The following MCIDAS variants were observed in gnomAD, a reference collection of about 807,000 sequenced individuals.
MCIDAS encodes the protein multiciliate differentiation and DNA synthesis associated cell cycle protein, also known as multicilin.
MCIDAS carries 23 observed loss-of-function variants against 35.4 expected under a neutral mutation model. The ratio of observed to expected loss-of-function variants is 0.65; its 90% CI spans 0.47 to 0.92. The LOEUF is 0.92. Ranked by LOEUF, MCIDAS falls within the 40% of genes least tolerant of loss-of-function variation. The pLI is 0.00. For synonymous variants in MCIDAS, 228 were observed against 235.2 expected, an observed-to-expected ratio of 0.97 and a Z score of 0.28; for missense variants, 480 against 531.8, an observed-to-expected ratio of 0.90 and a Z score of 0.96.
chr5:55,220,692 C>T lies in MCIDAS; in HGVS notation c.832G>A (p.Ala278Thr). 1 of 1,536,032 alleles carries T rather than the reference C, an allele frequency of 6.5e-7. No individual in the cohort carries two copies. Among genetic ancestry groups the T allele is most frequent in the African/African-American group, 1.4e-5 (1 of 73,190 alleles). The change falls in exon 7 of 7, where the codon GCG becomes ACG. Residue 278 changes from alanine (A) to threonine (T), a missense_variant. Coordinates refer to ENST00000513312, the MANE Select transcript of MCIDAS (RefSeq NM_001190787.3). ...TCCCTCAGGATGGCGTCCACTTCCG[C>T]GCAATCCTGCCCCGCAGCGCTGACC... is the stretch of plus-strand genomic sequence containing the variant. ...ELVSAAGQDC[A>T]EVDAILREIS... is the part of the protein sequence containing the mutation.
rs1194538833 is a variant in MCIDAS, at chr5:55,223,739, G to T, written c.310-716C>A. 6.6e-6 allele frequency among the ~76,000 whole-genome samples: 1 copy of T among 152,250 alleles called. No individual in the cohort carries two copies. Among genetic ancestry groups the T allele is most frequent in the Non-Finnish European group, 1.5e-5 (1 of 68,050 alleles). ...ACCCATGCAACCGAGCGGGAAGAAA[G>T]CTGTGATTCGAGGGGCCAGGAGAAT... On this transcript the variant is annotated intron_variant, in intron 3 of 6. Transcript: ENST00000513312. The surrounding 1 kb of genome is among the most constrained non-coding windows in gnomAD (Gnocchi z 4.4).
At chr5:55,224,840 GAACTAGCTCT>G (rs1745428652) in intron 3 of MCIDAS, among the ~76,000 whole-genome samples, 1 of 152,166 alleles carries the variant, frequency 6.6e-6, no homozygotes, top group Non-Finnish European at 1.5e-5. Flanking sequence ...TCTTTCCTCT[GAACTAGCTCT>G]GTCTTTCCCA....
intron 4 of MCIDAS, among the ~76,000 whole-genome samples, chr5:55,222,699 C>A (rs958272972): frequency 6.6e-6 from 1 of 152,182 alleles, no homozygotes; most frequent in African/African-American, 2.4e-5. Flanking sequence ...TGCCACACCA[C>A]AGCATAGGGC....
At position 55,227,279 on chromosome 5, in the gene MCIDAS, C is replaced by T; in HGVS notation, c.-141G>A. 4 of 1,164,210 alleles carry T rather than the reference C, an allele frequency of 3.4e-6. No individual in the cohort carries two copies. Among genetic ancestry groups the T allele is most frequent in the Non-Finnish European group, 4.5e-6 (4 of 892,922 alleles). The allele number at this position is 1,164,210 out of a possible 1,614,324, so 72.1% of individuals were successfully genotyped here. A position where few individuals can be genotyped will look rare whatever the true frequency, so the allele number is the denominator to read the frequency against. On this transcript the variant is annotated 5_prime_UTR_variant, in exon 1 of 7. Coordinates refer to ENST00000513312, the MANE Select transcript of MCIDAS (RefSeq NM_001190787.3). ...GGGCAGGCGCGTGACCGAGAAGGAGCCGAGGGGCTGCCGAGGAGGTGCTGA... is the reference window on the plus strand; with the variant it reads ...GGGCAGGCGCGTGACCGAGAAGGAGTCGAGGGGCTGCCGAGGAGGTGCTGA...
chr5:55,222,139 G>T (rs754841817), intron 5 of MCIDAS, 37 bp downstream of exon 5: 1 of 1,527,230 alleles, frequency 6.5e-7, no homozygotes, highest in South Asian at 1.2e-5. Context: ...TCCTGTCCCT[G>T]CCCCAGGATT....
chr5:55,220,899 C>G, intron 6 of MCIDAS, 93 bp from the exon 7 acceptor site: 1 of 1,449,766 alleles, frequency 6.9e-7, no homozygotes, highest in South Asian at 1.3e-5. Context: ...CTACGCACCA[C>G]GCACTCAGCG....
At position 55,221,004 on chromosome 5, in the gene MCIDAS, C is replaced by A; in HGVS notation, c.717+12G>T. ...ACGTGCTGCAGTTCCCACACGCCCG[C>A]GCCCCACTTACATCCAGCACCGAGG... On this transcript the variant is annotated intron_variant, in intron 6 of 6. Coordinates refer to ENST00000513312, the MANE Select transcript of MCIDAS (RefSeq NM_001190787.3). 1 of 1,532,314 alleles carries A rather than the reference C, an allele frequency of 6.5e-7. No individual in the cohort carries two copies. Among genetic ancestry groups the A allele is most frequent in the Non-Finnish European group, 8.7e-7 (1 of 1,143,620 alleles). The allele number at this position is 1,532,314 out of a possible 1,614,324, so 94.9% of individuals were successfully genotyped here. A position where few individuals can be genotyped will look rare whatever the true frequency, so the allele number is the denominator to read the frequency against.
rs529727203 is a variant in MCIDAS at position 55,226,567 on chromosome 5, G to C, written c.309+9C>G. On this transcript the variant is annotated intron_variant, in intron 3 of 6. Transcript: ENST00000513312. ...TGAAACCACGAGGCTCCACGAGAAG[G>C]GGAGGTACCTGCGAGGCGGCCAGGT... is the stretch of plus-strand genomic sequence containing the variant. 21 of 1,530,502 alleles carry C rather than the reference G, an allele frequency of 1.4e-5. No homozygotes were observed. In the East Asian group the frequency reaches 5.0e-4, roughly 36 times the overall value. The allele number at this position is 1,530,502 out of a possible 1,614,324, so 94.8% of individuals were successfully genotyped here. A position where few individuals can be genotyped will look rare whatever the true frequency, so the allele number is the denominator to read the frequency against.
rs766806407 is a variant in MCIDAS at position 55,220,435 on chromosome 5, G to A, written c.1089C>T (p.Phe363=). 1 of 1,536,108 alleles carries A rather than the reference G, an allele frequency of 6.5e-7. No individual in the cohort carries two copies. Among genetic ancestry groups the A allele is most frequent in the South Asian group, 1.2e-5 (1 of 84,044 alleles). Residue 363 remains phenylalanine, a synonymous_variant, in exon 7 of 7, where the codon TTC becomes TTT. Transcript: ENST00000513312. ...TGATGGTGAAGGCATTGCCCTGGGG[G>A]AAGGCGAGGGTGCGGATGGTGCTGT... is the stretch of plus-strand genomic sequence containing the variant. ...RSHSTIRTLA[F]PQGNAFTIRT... is the part of the protein sequence containing the mutation.
In MCIDAS at chr5:55,222,979, G is replaced by C; in HGVS notation, c.354C>G (p.Phe118Leu). ...QTEADFNLQDFRDTVDDLISD... is the reference protein window; with the variant it reads ...QTEADFNLQDLRDTVDDLISD... ...AAATGAGATCATCCACCGTGTCTCT[G>C]AAATCTTGCAGATTGAAGTCTGCTT... The change falls in exon 4 of 7, where the codon TTC becomes TTG. Residue 118 changes from phenylalanine (F) to leucine (L), a missense_variant. By Grantham distance (22) the Phe-to-Leu change is conservative. Coordinates refer to ENST00000513312, the MANE Select transcript of MCIDAS (RefSeq NM_001190787.3). The C allele has an allele frequency of 6.5e-7, 1 of 1,536,124 alleles. No individual in the cohort carries two copies. Among genetic ancestry groups the C allele is most frequent in the Non-Finnish European group, 8.7e-7 (1 of 1,146,898 alleles).
intron 5 of MCIDAS, among the ~76,000 whole-genome samples, chr5:55,221,573 T>C (rs777133698): frequency 6.6e-6 from 1 of 152,190 alleles, no homozygotes; most frequent in African/African-American, 2.4e-5. Flanking sequence ...ATGCAATATA[T>C]GTATGTAACA....
In MCIDAS at chr5:55,220,520, A is replaced by G. The variant is rs1291689114; in HGVS notation, c.1004T>C (p.Leu335Ser). The G allele has an allele frequency of 6.5e-7, 1 of 1,535,964 alleles. No individual in the cohort carries two copies. Among genetic ancestry groups the G allele is most frequent in the Admixed American group, 2.0e-5 (1 of 50,976 alleles). ...GLRTDCSRSA[L>S]NLSHSELEEG... ...CTCCAGCTCACTGTGGCTCAGGTTC[A>G]ACGCGCTCCGGCTGCAGTCTGTGCG... Residue 335 changes from leucine (L) to serine (S), a missense_variant, in exon 7 of 7, where the codon TTG (leucine) becomes TCG (serine). Physicochemically the swap from Leu to Ser is moderately radical, Grantham distance 145. Coordinates refer to ENST00000513312, the MANE Select transcript of MCIDAS (RefSeq NM_001190787.3).
At chr5:55,226,292 A>G (rs1465327620) in intron 3 of MCIDAS, among the ~76,000 whole-genome samples, 4 of 152,128 alleles carry the variant, frequency 2.6e-5, no homozygotes, top group African/African-American at 9.7e-5. Context: ...TCACAGCTCC[A>G]AAGAGTAGAT....
chr5:55,221,366 C>T (rs1159166943), intron 5 of MCIDAS, among the ~76,000 whole-genome samples: 1 of 152,094 alleles, frequency 6.6e-6, no homozygotes, highest in Non-Finnish European at 1.5e-5. Context: ...GGGCAACAGG[C>T]AGATCTAGGT....
chr5:55,221,791 G>A (rs145341697), intron 5 of MCIDAS, among the ~76,000 whole-genome samples: 98 of 152,170 alleles, frequency 6.4e-4, no homozygotes, highest in African/African-American at 2.2e-3. Context: ...CAGGTATGGT[G>A]GCATGCGCTT....
chr5:55,222,025 A>G, intron 5 of MCIDAS, 151 bp downstream of exon 5: 1 of 570,830 alleles, frequency 1.8e-6, no homozygotes, highest in Non-Finnish European at 3.0e-6. Context: ...AAACAGGTGG[A>G]GCCACCGGAG....
intron 3 of MCIDAS, 133 bp downstream of exon 3, chr5:55,226,443 C>A (rs1253497248): frequency 2.4e-6 from 2 of 842,558 alleles, no homozygotes; most frequent in Non-Finnish European, 3.6e-6. Flanking sequence ...GGTGCCTGCA[C>A]AATGCTTCCC....
rs929413661 is a variant in MCIDAS, at chr5:55,223,603, C to T, written c.310-580G>A. On this transcript the variant is annotated intron_variant, in intron 3 of 6. Coordinates refer to ENST00000513312, the MANE Select transcript of MCIDAS (RefSeq NM_001190787.3). The surrounding 1 kb of genome is among the most constrained non-coding windows in gnomAD (Gnocchi z 4.4). ...GAGCCGCCGCTGTAGGAGCTGAGAG[C>T]ACGTCTTGAACACCGGATCTTTCCA... Among the ~76,000 whole-genome samples the T allele has an allele frequency of 6.6e-6, 1 of 152,222 alleles. No individual in the cohort carries two copies. The highest frequency in any genetic ancestry group is 1.5e-5 in the Non-Finnish European group (1 of 68,036).
In MCIDAS at chr5:55,226,921, G is replaced by A; in HGVS notation, c.131C>T (p.Pro44Leu). The part of the protein sequence containing the change: ...PGKPERKFAP[P>L]RKFFPGCTGG... ...TGTGCATCCGGGGAAGAACTTCCGC[G>A]GAGGAGCGAACTGGCCGGGCACACA... Residue 44 changes from proline to leucine, a missense_variant, in exon 2 of 7, where the codon CCG (proline) becomes CTG (leucine). Coordinates refer to ENST00000513312, the MANE Select transcript of MCIDAS (RefSeq NM_001190787.3). 1 of 1,432,202 alleles carries A rather than the reference G, an allele frequency of 7.0e-7. No individual in the cohort carries two copies. The highest frequency in any genetic ancestry group is 1.4e-5 in the South Asian group (1 of 69,348). 88.7% of individuals were successfully genotyped at this position (1,432,202 alleles called of 1,614,324 possible). A position where few individuals can be genotyped will look rare whatever the true frequency, so the allele number is the denominator to read the frequency against.
Sources: allele counts gnomAD v4.1 joint callset (sites outside exome capture counted in the v4.1 genomes callset), GRCh38; gene constraint gnomAD v4.1.1; non-coding constraint Gnocchi (gnomAD v3.1); transcripts MANE v1.5; gene names NCBI Gene and HGNC (gene_info 2026-07-23, HGNC 2026-07-21).